Variants in ERP44 observed in about 807,000 individuals in gnomAD.
ERP44 encodes endoplasmic reticulum protein 44.
In ERP44, 25 loss-of-function variants were observed where a neutral mutation model predicts 53.4. That is an observed-to-expected ratio of 0.47 (90% CI 0.34 to 0.65). ERP44 has a LOEUF of 0.65. Ranked by LOEUF, ERP44 falls within the 30% of genes least tolerant of loss-of-function variation. ERP44 has a pLI of 0.01. For synonymous variants in ERP44, 145 were observed against 161.2 expected (o/e 0.90, Z 0.76); for missense variants, 338 against 493.2 (o/e 0.69, Z 2.98).
intron 1 of ERP44, among the ~76,000 whole-genome samples, chr9:100,074,849 A>G (rs758189332): frequency 4.6e-5 from 7 of 152,216 alleles, no homozygotes; most frequent in Non-Finnish European, 8.8e-5. Flanking sequence ...CTTTTAGCTC[A>G]GGTCTGACTT....
At chr9:100,049,595 TA>T (rs1261742193) in intron 4 of ERP44, among the ~76,000 whole-genome samples, 6 of 152,118 alleles carry the variant, frequency 3.9e-5, no homozygotes, top group Non-Finnish European at 7.4e-5. Context: ...TATGTAAAAT[TA>T]AATAGACTAT....
Position 100,083,308 on chromosome 9 carries a change from A to T in ERP44, c.57+15476T>A, listed in dbSNP as rs1826447620. ...AATTACAATGCATCAATACAATGGA[A>T]TTCTATGCCACTATGAAAATAAAAA... On this transcript the variant is annotated intron_variant, in intron 1 of 11. Coordinates refer to ENST00000262455, the MANE Select transcript of ERP44 (RefSeq NM_015051.3). Among the ~76,000 whole-genome samples, 3 of 152,144 alleles carry T rather than the reference A, an allele frequency of 2.0e-5. No individual in the cohort carries two copies. In the South Asian group the frequency reaches 6.2e-4, roughly 31 times the overall value.
intron 1 of ERP44, among the ~76,000 whole-genome samples, chr9:100,088,782 G>C (rs533484790): frequency 6.6e-6 from 1 of 152,222 alleles, no homozygotes; most frequent in South Asian, 2.1e-4. Flanking sequence ...TCCAAGATTT[G>C]GGCCCAAATC....
rs140041270 is a variant in ERP44 at position 100,050,955 on chromosome 9, G to A, written c.286+1462C>T. Among the ~76,000 whole-genome samples the A allele has an allele frequency of 2.8e-3, 428 of 152,298 alleles. 3 individuals carry two copies. Among genetic ancestry groups the A allele is most frequent in the African/African-American group, 9.7e-3 (403 of 41,568 alleles). On this transcript the variant is annotated intron_variant, in intron 4 of 11. Transcript: ENST00000262455. ...AAAAGTAGGAAGTCTTATCTGCACT[G>A]TAACATCTAATTAAATACATAAAGA...
intron 1 of ERP44, among the ~76,000 whole-genome samples, chr9:100,069,723 C>T (rs969540818): frequency 9.2e-5 from 14 of 152,100 alleles, no homozygotes; most frequent in Non-Finnish European, 1.8e-4. Context: ...TTCCATACCT[C>T]CAAAAAGTTC....
chr9:100,074,148 A>C (rs1293002292), intron 1 of ERP44, among the ~76,000 whole-genome samples: 1 of 152,196 alleles, frequency 6.6e-6, no homozygotes, highest in Non-Finnish European at 1.5e-5. Flanking sequence ...TTTGGGGATT[A>C]ATCTTTCTGA....
At chr9:100,021,312 G>C (rs1489770881) in intron 5 of ERP44, among the ~76,000 whole-genome samples, 1 of 152,232 alleles carries the variant, frequency 6.6e-6, no homozygotes, top group Non-Finnish European at 1.5e-5. Flanking sequence ...CCCAGTGCAT[G>C]TGCAGGTATC....
chr9:99,986,062 C>CA (rs1830193597), intron 10 of ERP44, among the ~76,000 whole-genome samples: 1 of 152,188 alleles, frequency 6.6e-6, no homozygotes, highest in South Asian at 2.1e-4. Flanking sequence ...CTGTAGCAGA[C>CA]ACCACCATAC....
intron 10 of ERP44, among the ~76,000 whole-genome samples, chr9:99,988,152 G>A (rs1830214888): frequency 1.3e-5 from 2 of 152,042 alleles, no homozygotes; most frequent in African/African-American, 4.8e-5. Context: ...TTTAATTTAG[G>A]CATTCTAAAA....
intron 1 of ERP44, among the ~76,000 whole-genome samples, chr9:100,067,326 G>C (rs1433602608): frequency 6.6e-6 from 1 of 152,170 alleles, no homozygotes; most frequent in African/African-American, 2.4e-5. Flanking sequence ...CAGTGCCTGC[G>C]ACTGCAGGCG....
At chr9:100,001,578 TTACA>T (rs1355254171) in intron 10 of ERP44, among the ~76,000 whole-genome samples, 1 of 152,210 alleles carries the variant, frequency 6.6e-6, no homozygotes, top group African/African-American at 2.4e-5. Context: ...CTCTTTATAT[TTACA>T]TAATGACCTT....
chr9:100,092,619 T>A (rs1239568643), intron 1 of ERP44, among the ~76,000 whole-genome samples: 2 of 152,236 alleles, frequency 1.3e-5, no homozygotes, highest in African/African-American at 4.8e-5. Flanking sequence ...CCACTGTTCA[T>A]AAACTCTATC....
chr9:99,982,516 A>T lies in ERP44; in HGVS notation c.*96T>A. 1.8e-6 allele frequency: 1 copy of T among 555,846 alleles called. No individual in the cohort carries two copies. Among genetic ancestry groups the T allele is most frequent in the Non-Finnish European group, 2.8e-6 (1 of 359,116 alleles). 34.4% of individuals were successfully genotyped at this position (555,846 alleles called of 1,614,324 possible). ...AAATTTCTTTCTGTTTATTCAAAAT[A>T]AAAATACACATAGAATTATGAAAAT... On this transcript the variant is annotated 3_prime_UTR_variant, in exon 12 of 12. Coordinates refer to ENST00000262455, the MANE Select transcript of ERP44 (RefSeq NM_015051.3).
Position 99,979,971 on chromosome 9 carries a change from C to T in ERP44, c.*2641G>A. 1 of 398,566 alleles carries T rather than the reference C, an allele frequency of 2.5e-6. No homozygotes were observed. Among genetic ancestry groups the T allele is most frequent in the Non-Finnish European group, 4.4e-6 (1 of 226,022 alleles). The allele number at this position is 398,566 out of a possible 1,614,324, so 24.7% of individuals were successfully genotyped here. On this transcript the variant is annotated 3_prime_UTR_variant, in exon 12 of 12. Coordinates refer to ENST00000262455, the MANE Select transcript of ERP44 (RefSeq NM_015051.3). ...GGCCCTGTGTGACCAGCTCCCATTTCTTTTTCTAGCTTCCCCAACCCCAAA... is the reference window on the plus strand; with the variant it reads ...GGCCCTGTGTGACCAGCTCCCATTTTTTTTTCTAGCTTCCCCAACCCCAAA...
intron 4 of ERP44, among the ~76,000 whole-genome samples, chr9:100,035,228 C>T (rs747801178): frequency 1.2e-4 from 19 of 152,144 alleles, no homozygotes; most frequent in Middle Eastern, 3.4e-3. Context: ...GTAAGTGGGA[C>T]CTAATTAAAC....
Position 100,042,768 on chromosome 9 carries a change from G to C in ERP44, c.286+9649C>G, listed in dbSNP as rs147301082. Among the ~76,000 whole-genome samples the C allele has an allele frequency of 7.4e-3, 1,123 of 152,270 alleles. 15 individuals are homozygous for C. Among genetic ancestry groups the C allele is most frequent in the African/African-American group, 0.025 (1,038 of 41,548 alleles). On this transcript the variant is annotated intron_variant, in intron 4 of 11. Transcript: ENST00000262455. ...AGATCCTGTCACTTGCAACAACATG[G>C]ATGGAACTGGAGGTTACTAGGTTAA...
At chr9:100,000,136 A>G (rs1830361440) in intron 10 of ERP44, among the ~76,000 whole-genome samples, 1 of 152,072 alleles carries the variant, frequency 6.6e-6, no homozygotes, top group Non-Finnish European at 1.5e-5. Context: ...AATGTGTTTA[A>G]GAGTGTTCTC....
chr9:100,013,932 A>G (rs186470930), intron 8 of ERP44, among the ~76,000 whole-genome samples: 108 of 152,332 alleles, frequency 7.1e-4, no homozygotes, highest in Admixed American at 2.4e-3. Flanking sequence ...ATTGTGTTAT[A>G]TTTATATAGG....
chr9:100,031,421 T>C (rs1415763334), intron 4 of ERP44, among the ~76,000 whole-genome samples: 1 of 152,236 alleles, frequency 6.6e-6, no homozygotes, highest in Non-Finnish European at 1.5e-5. Context: ...AACTGTCCAA[T>C]GCTGTAGCTT....
Sources: gnomAD v4.1 joint callset for allele counts (sites outside exome capture counted in the v4.1 genomes callset) on GRCh38, gnomAD v4.1.1 for gene constraint, MANE v1.5 for transcripts, NCBI Gene and HGNC (gene_info 2026-07-23, HGNC 2026-07-21) for gene names.